Variants in IMMP2L observed in about 807,000 individuals in gnomAD.
IMMP2L encodes inner mitochondrial membrane peptidase subunit 2.
IMMP2L carries 18 observed loss-of-function variants against 19.3 expected under a neutral mutation model. That is an observed-to-expected ratio of 0.93 (90% CI 0.64 to 1.38). IMMP2L has a LOEUF of 1.38. IMMP2L is among the 40% of genes most tolerant of loss of function. The probability of loss-of-function intolerance (pLI) is 0.00; values close to 1 mark genes in which losing one functional copy is unlikely to be tolerated. For synonymous variants in IMMP2L, 76 were observed against 73.0 expected, an observed-to-expected ratio of 1.04 and a Z score of -0.21; for missense variants, 233 against 218.2, an observed-to-expected ratio of 1.07 and a Z score of -0.43.
intron 3 of IMMP2L, among the ~76,000 whole-genome samples, chr7:110,971,704 T>C (rs1404264571): frequency 6.6e-6 from 1 of 152,138 alleles, no homozygotes; most frequent in African/African-American, 2.4e-5. Flanking sequence ...ACACTTAAAA[T>C]CAGCAACAGC....
intron 2 of IMMP2L, among the ~76,000 whole-genome samples, chr7:111,510,833 G>T (rs2132559556): frequency 6.6e-6 from 1 of 152,174 alleles, no homozygotes; most frequent in Non-Finnish European, 1.5e-5. Flanking sequence ...TTCCCATGTG[G>T]CCCCACATAC....
chr7:111,179,446 C>T (rs1225953864), intron 3 of IMMP2L, among the ~76,000 whole-genome samples: 3 of 151,888 alleles, frequency 2.0e-5, no homozygotes, highest in Non-Finnish European at 4.4e-5. Context: ...CAAGACCATT[C>T]TTCTTTATCC....
chr7:110,892,631 A>T (rs12705746), intron 4 of IMMP2L, among the ~76,000 whole-genome samples: 43,228 of 152,068 alleles, frequency 0.28, 7,871 homozygotes, highest in East Asian at 0.64. Flanking sequence ...TCAAACTATC[A>T]TACGTTGTAA....
At chr7:111,374,039 T>C (rs1830468735) in intron 3 of IMMP2L, among the ~76,000 whole-genome samples, 1 of 152,032 alleles carries the variant, frequency 6.6e-6, no homozygotes, top group South Asian at 2.1e-4. Flanking sequence ...CATTTTACTC[T>C]GCAGCAAAGA....
At chr7:111,223,495 TTTAA>T (rs1176902329) in intron 3 of IMMP2L, among the ~76,000 whole-genome samples, 2 of 152,132 alleles carry the variant, frequency 1.3e-5, no homozygotes, top group Non-Finnish European at 2.9e-5. Context: ...TAAAATAATG[TTTAA>T]TTAATTGTTA....
chr7:111,393,084 T>C (rs1832528294), intron 3 of IMMP2L, among the ~76,000 whole-genome samples: 1 of 151,962 alleles, frequency 6.6e-6, no homozygotes, highest in Non-Finnish European at 1.5e-5. Flanking sequence ...GGTTGTCACA[T>C]GAGATTAAAA....
chr7:111,444,954 T>C (rs1450962559), intron 3 of IMMP2L, among the ~76,000 whole-genome samples: 3 of 152,224 alleles, frequency 2.0e-5, no homozygotes, highest in Admixed American at 6.5e-5. Context: ...GTTTTTCTTG[T>C]AACAGTTATA....
chr7:110,739,546 G>A (rs1467197338), intron 5 of IMMP2L, among the ~76,000 whole-genome samples: 1 of 152,110 alleles, frequency 6.6e-6, no homozygotes, highest in Non-Finnish European at 1.5e-5. Context: ...TAATACTGGA[G>A]CTCCCAAATT....
intron 3 of IMMP2L, among the ~76,000 whole-genome samples, chr7:111,109,520 A>C (rs1812500593): frequency 5.9e-5 from 9 of 152,160 alleles, no homozygotes; most frequent in Admixed American, 5.9e-4. Context: ...TATATCTGCG[A>C]CACAAAGCTT....
chr7:111,351,183 TTTTA>T (rs963814424), intron 3 of IMMP2L, among the ~76,000 whole-genome samples: 3 of 152,074 alleles, frequency 2.0e-5, no homozygotes, highest in Non-Finnish European at 2.9e-5. Context: ...AGCATTTTTA[TTTTA>T]TTTATTTATT....
At chr7:111,258,987 T>G (rs754163674) in intron 3 of IMMP2L, among the ~76,000 whole-genome samples, 11 of 152,076 alleles carry the variant, frequency 7.2e-5, no homozygotes, top group Non-Finnish European at 1.5e-4. Context: ...CTACCACACA[T>G]GTAGGCTATA....
chr7:111,031,934 ATTTTT>A (rs57560784), intron 3 of IMMP2L, among the ~76,000 whole-genome samples: 2 of 108,066 alleles, frequency 1.9e-5, no homozygotes, highest in South Asian at 3.4e-4. Context: ...AACACCAGAG[ATTTTT>A]TTTTTTTTTT....
At chr7:111,242,991 T>A (rs1815302337) in intron 3 of IMMP2L, among the ~76,000 whole-genome samples, 1 of 152,120 alleles carries the variant, frequency 6.6e-6, no homozygotes, top group Non-Finnish European at 1.5e-5. Flanking sequence ...AAGGAGATCT[T>A]AAAATATTTT....
chr7:111,432,769 C>T lies in IMMP2L; in HGVS notation c.239+54469G>A, dbSNP rs138150295. Reference sequence around the variant, plus strand: ...GGCATCCAAATTGGATGCCTCTTCACTGATGATAAGATCTAGTATCTAGAG... The same window carrying T: ...GGCATCCAAATTGGATGCCTCTTCATTGATGATAAGATCTAGTATCTAGAG... On this transcript the variant is annotated intron_variant, in intron 3 of 5. Transcript: ENST00000405709. 1.9e-4 allele frequency among the ~76,000 whole-genome samples: 28 copies of T among 151,350 alleles called. No homozygotes were observed. The East Asian group carries it at 4.5e-3, about 24-fold the overall frequency.
chr7:110,978,378 A>G (rs1381293230), intron 3 of IMMP2L, among the ~76,000 whole-genome samples: 2 of 152,050 alleles, frequency 1.3e-5, no homozygotes, highest in Non-Finnish European at 2.9e-5. Context: ...AAACAAATGA[A>G]TATTTCCCAA....
intron 5 of IMMP2L, among the ~76,000 whole-genome samples, chr7:110,706,067 T>A (rs963610261): frequency 6.6e-6 from 1 of 152,114 alleles, no homozygotes; most frequent in South Asian, 2.1e-4. Context: ...TATTTTCTTC[T>A]AGATATATAC....
chr7:111,353,607 C>G (rs1828401806), intron 3 of IMMP2L, among the ~76,000 whole-genome samples: 1 of 152,052 alleles, frequency 6.6e-6, no homozygotes, highest in Non-Finnish European at 1.5e-5. Context: ...AGAAACTTAA[C>G]TTTTCTTTAT....
intron 3 of IMMP2L, among the ~76,000 whole-genome samples, chr7:111,195,567 T>C (rs928309182): frequency 6.6e-6 from 1 of 152,154 alleles, no homozygotes; most frequent in African/African-American, 2.4e-5. Flanking sequence ...AAGGATTTTT[T>C]ATTTTTAAAA....
chr7:110,723,818 T>C lies in IMMP2L; in HGVS notation c.409-60097A>G, dbSNP rs920853843. Among the ~76,000 whole-genome samples the C allele has an allele frequency of 1.5e-4, 20 of 129,536 alleles. 1 individual carries two copies. The highest frequency in any genetic ancestry group is 3.3e-4 in the Admixed American group (4 of 11,970). The allele number at this position is 129,536 out of a possible 152,430, so 85.0% of individuals were successfully genotyped here. On this transcript the variant is annotated intron_variant, in intron 5 of 5. Transcript: ENST00000405709. Reference sequence around the variant, plus strand: ...CTCAAATGATACCCACACTTAAGAATAGATATTTTGCTCTGGTTGACTTAC... The same window carrying C: ...CTCAAATGATACCCACACTTAAGAACAGATATTTTGCTCTGGTTGACTTAC...
Sources: gnomAD v4.1 joint callset for allele counts (sites outside exome capture counted in the v4.1 genomes callset) on GRCh38, gnomAD v4.1.1 for gene constraint, MANE v1.5 for transcripts, NCBI Gene and HGNC (gene_info 2026-07-23, HGNC 2026-07-21) for gene names.